ZFAND6: variants seen among roughly 807,000 people sequenced by gnomAD.
ZFAND6 encodes zinc finger AN1-type containing 6, also known as AN1-type zinc finger protein 6.
ZFAND6 carries 12 observed loss-of-function variants against 24.5 expected under a neutral mutation model. The ratio of observed to expected loss-of-function variants is 0.49; its 90% CI spans 0.31 to 0.79. The LOEUF (loss-of-function observed/expected upper bound fraction) is 0.79, where lower values mean the gene tolerates loss of function less well. Ranked by LOEUF, ZFAND6 falls within the 30% of genes least tolerant of loss-of-function variation. The pLI is 0.04. For synonymous variants in ZFAND6, 92 were observed against 81.5 expected (o/e 1.13, Z -0.69); for missense variants, 207 against 245.9 (o/e 0.84, Z 1.06).
At position 80,126,961 on chromosome 15, in the gene ZFAND6, G is replaced by A. The variant is rs374152515; in HGVS notation, c.364+4161G>A. 9.2e-5 allele frequency among the ~76,000 whole-genome samples: 14 copies of A among 151,964 alleles called. No homozygotes were observed. In the South Asian group the frequency reaches 1.7e-3, roughly 18 times the overall value. On this transcript the variant is annotated intron_variant, in intron 5 of 6. Coordinates refer to ENST00000261749, the MANE Select transcript of ZFAND6 (RefSeq NM_019006.4). ...AACCCCATCTGTACAAAAAATAGCCGAGTGTGGTGGCGCACGCTTGTAGTC... is the reference window on the plus strand; with the variant it reads ...AACCCCATCTGTACAAAAAATAGCCAAGTGTGGTGGCGCACGCTTGTAGTC...
intron 1 of ZFAND6, among the ~76,000 whole-genome samples, chr15:80,084,361 T>C (rs1031730405): frequency 1.2e-4 from 18 of 152,198 alleles, no homozygotes; most frequent in African/African-American, 1.7e-4. Context: ...TTAGGGATGC[T>C]CAACTGTTAA....
intron 1 of ZFAND6, among the ~76,000 whole-genome samples, chr15:80,087,015 A>G (rs1596230633): frequency 6.6e-6 from 1 of 152,254 alleles, no homozygotes; most frequent in East Asian, 1.9e-4. Flanking sequence ...TAAAGGTGGA[A>G]TAATACTCTC....
intron 6 of ZFAND6, chr15:80,131,579 G>C: frequency 2.5e-6 from 1 of 403,608 alleles, no homozygotes; most frequent in Middle Eastern, 6.5e-4. Flanking sequence ...TGTGGCTCCT[G>C]CTTTTAAGGA....
intron 1 of ZFAND6, among the ~76,000 whole-genome samples, chr15:80,065,446 T>C (rs912669347): frequency 3.3e-5 from 5 of 151,160 alleles, no homozygotes; most frequent in African/African-American, 1.2e-4. Context: ...TGTTTAAGTC[T>C]CCCCCCCATC....
intron 1 of ZFAND6, chr15:80,073,271 G>A: frequency 3.2e-6 from 1 of 315,726 alleles, no homozygotes; most frequent in East Asian, 9.9e-5. Flanking sequence ...CAAAGGTGGA[G>A]ATAAGTAATT....
intron 2 of ZFAND6, among the ~76,000 whole-genome samples, chr15:80,107,138 C>G (rs184379113): frequency 4.7e-4 from 72 of 152,272 alleles, no homozygotes; most frequent in African/African-American, 1.6e-3. Flanking sequence ...TCACTTGAAC[C>G]CAGGAGGCAA....
chr15:80,072,497 T>C (rs567000885), intron 1 of ZFAND6: 2 of 152,052 alleles, frequency 1.3e-5, no homozygotes, highest in African/African-American at 2.4e-5. Context: ...ATCACAATTA[T>C]CAGTTTCACT....
intron 1 of ZFAND6, among the ~76,000 whole-genome samples, chr15:80,088,548 A>C (rs1328993977): frequency 6.6e-6 from 1 of 152,164 alleles, no homozygotes; most frequent in African/African-American, 2.4e-5. Context: ...CCTGGGCGAT[A>C]AGAGCGAAAC....
intron 2 of ZFAND6, chr15:80,112,962 A>G: frequency 2.4e-6 from 1 of 415,208 alleles, no homozygotes; most frequent in South Asian, 1.7e-5. Flanking sequence ...GAATTCACCC[A>G]TTCTGAGCAG....
intron 1 of ZFAND6, among the ~76,000 whole-genome samples, chr15:80,067,039 C>A (rs2036688809): frequency 1.3e-5 from 2 of 152,122 alleles, no homozygotes; most frequent in Non-Finnish European, 2.9e-5. Flanking sequence ...AAGGTAGTTT[C>A]CCATGTGAAG....
At chr15:80,103,796 T>C (rs2039162093) in intron 2 of ZFAND6, among the ~76,000 whole-genome samples, 1 of 152,186 alleles carries the variant, frequency 6.6e-6, no homozygotes, top group African/African-American at 2.4e-5. Flanking sequence ...TTAGGAGAAA[T>C]AAACTTTATG....
At chr15:80,113,406 G>T (rs1490771498) in intron 2 of ZFAND6, among the ~76,000 whole-genome samples, 1 of 152,044 alleles carries the variant, frequency 6.6e-6, no homozygotes, top group Non-Finnish European at 1.5e-5. Context: ...TATGGCTATG[G>T]GTCAGATTTA....
intron 1 of ZFAND6, among the ~76,000 whole-genome samples, chr15:80,070,648 G>A (rs1467717874): frequency 6.6e-6 from 1 of 152,136 alleles, no homozygotes; most frequent in African/African-American, 2.4e-5. Flanking sequence ...TAGATGGAGA[G>A]TGGTCTTGGT....
intron 2 of ZFAND6, among the ~76,000 whole-genome samples, chr15:80,120,017 G>A (rs907869430): frequency 6.6e-6 from 1 of 152,202 alleles, no homozygotes; most frequent in African/African-American, 2.4e-5. Flanking sequence ...AACTGAGCTA[G>A]ACTTAATAAG....
At chr15:80,118,965 A>G (rs2040022705) in intron 2 of ZFAND6, among the ~76,000 whole-genome samples, 2 of 152,222 alleles carry the variant, frequency 1.3e-5, no homozygotes, top group South Asian at 4.1e-4. Context: ...CAGTGGCAAA[A>G]CATTTTCCTT....
At chr15:80,099,263 A>G (rs906793367) in intron 2 of ZFAND6, among the ~76,000 whole-genome samples, 4 of 151,758 alleles carry the variant, frequency 2.6e-5, no homozygotes, top group African/African-American at 9.7e-5. Context: ...GTTTTTTTCT[A>G]CCCTCCTCCC....
chr15:80,070,632 T>G (rs900310160), intron 1 of ZFAND6, among the ~76,000 whole-genome samples: 17 of 152,352 alleles, frequency 1.1e-4, no homozygotes, highest in African/African-American at 3.8e-4. Context: ...TTCTCTTGGT[T>G]ATGTATAGAT....
chr15:80,106,169 A>G (rs2039314006), intron 2 of ZFAND6, among the ~76,000 whole-genome samples: 1 of 152,254 alleles, frequency 6.6e-6, no homozygotes, highest in African/African-American at 2.4e-5. Flanking sequence ...GACAAAAGAA[A>G]GTACTTGCTT....
chr15:80,086,386 T>A (rs2038008343), intron 1 of ZFAND6, among the ~76,000 whole-genome samples: 1 of 152,256 alleles, frequency 6.6e-6, no homozygotes, highest in Non-Finnish European at 1.5e-5. Flanking sequence ...AAAATTCACC[T>A]GTTTCATAAG....
Sources: gnomAD v4.1 joint callset for allele counts (sites outside exome capture counted in the v4.1 genomes callset) on GRCh38, gnomAD v4.1.1 for gene constraint, MANE v1.5 for transcripts, NCBI Gene and HGNC (gene_info 2026-07-23, HGNC 2026-07-21) for gene names.